Variants in TXK observed in about 807,000 individuals in gnomAD.
TXK encodes tyrosine-protein kinase TXK.
In TXK, 60 loss-of-function variants were observed where a neutral mutation model predicts 81.0. The ratio of observed to expected loss-of-function variants is 0.74; its 90% CI spans 0.60 to 0.92. TXK has a LOEUF of 0.92. TXK is among the 40% of genes least tolerant of loss of function. The pLI is 0.00. For missense variants in TXK, 581 were observed against 638.3 expected, an observed-to-expected ratio of 0.91 and a Z score of 0.97; for synonymous variants, 203 against 210.7, an observed-to-expected ratio of 0.96 and a Z score of 0.32.
At chr4:48,129,927 C>T (rs1420772738) in intron 1 of TXK, among the ~76,000 whole-genome samples, 16 of 152,184 alleles carry the variant, frequency 1.1e-4, no homozygotes, top group African/African-American at 2.9e-4. Context: ...GGCACACGGG[C>T]GTGGCTGGCA....
intron 2 of TXK, among the ~76,000 whole-genome samples, chr4:48,113,852 G>A (rs117040855): frequency 1.3e-5 from 2 of 152,224 alleles, no homozygotes; most frequent in East Asian, 1.9e-4. Flanking sequence ...AACTGTATGA[G>A]TTAATAAACA....
chr4:48,089,281 T>C (rs1717657170), intron 9 of TXK: 1 of 152,710 alleles, frequency 6.5e-6, no homozygotes, highest in African/African-American at 2.4e-5. Flanking sequence ...GAGATGCACA[T>C]ATTTAAACAT....
Position 48,110,552 on chromosome 4 carries a change from ATTAG to A in TXK, c.428_431del (p.Thr143IlefsTer2). On this transcript the variant is annotated frameshift_variant, in exon 5 of 15. Transcript: ENST00000264316. LOFTEE classifies it high-confidence loss of function. ...AGAAGACTTACTCATATATTTCTAA[ATTAG>A]TTATTTTGTTTTCAGTCACATAGTT... The A allele has an allele frequency of 6.2e-7, 1 of 1,610,252 alleles. No individual in the cohort carries two copies. The highest frequency in any genetic ancestry group is 8.5e-7 in the Non-Finnish European group (1 of 1,177,108).
At chr4:48,073,611 G>A (rs1716949517) in intron 13 of TXK, among the ~76,000 whole-genome samples, 1 of 152,178 alleles carries the variant, frequency 6.6e-6, no homozygotes, top group Admixed American at 6.5e-5. Flanking sequence ...TCTAAACAAT[G>A]TCATAAGATC....
chr4:48,090,065 A>G (rs1241908176), intron 8 of TXK, among the ~76,000 whole-genome samples: 2 of 152,224 alleles, frequency 1.3e-5, no homozygotes, highest in African/African-American at 2.4e-5. Flanking sequence ...ACAAAATCTT[A>G]GTATTCACAG....
intron 6 of TXK, among the ~76,000 whole-genome samples, chr4:48,097,956 C>A (rs1171468900): frequency 6.6e-6 from 1 of 151,770 alleles, no homozygotes; most frequent in Non-Finnish European, 1.5e-5. Flanking sequence ...ACCGTGTTAG[C>A]CAGGATGGTC....
intron 1 of TXK, among the ~76,000 whole-genome samples, chr4:48,130,456 G>A (rs1719222213): frequency 6.6e-6 from 1 of 152,122 alleles, no homozygotes; most frequent in Non-Finnish European, 1.5e-5. Context: ...ATTCTCTGCG[G>A]GCTGCCTGAG....
At chr4:48,077,317 G>A (rs1717111264) in intron 11 of TXK, among the ~76,000 whole-genome samples, 1 of 152,078 alleles carries the variant, frequency 6.6e-6, no homozygotes, top group South Asian at 2.1e-4. Flanking sequence ...CAGCTAATTT[G>A]TGGTTCAATT....
At chr4:48,090,923 C>T (rs1168333807) in intron 8 of TXK, among the ~76,000 whole-genome samples, 1 of 152,360 alleles carries the variant, frequency 6.6e-6, no homozygotes, top group Admixed American at 6.5e-5. Flanking sequence ...TGCTGGAAGA[C>T]AGAAACGAGC....
At chr4:48,129,675 C>T (rs1046186291) in intron 1 of TXK, among the ~76,000 whole-genome samples, 18 of 152,284 alleles carry the variant, frequency 1.2e-4, no homozygotes, top group East Asian at 1.9e-4. Flanking sequence ...TCCCCAGACA[C>T]GGACAGCAGC....
intron 11 of TXK, among the ~76,000 whole-genome samples, chr4:48,079,037 G>T (rs1717187325): frequency 6.6e-6 from 1 of 152,200 alleles, no homozygotes; most frequent in Non-Finnish European, 1.5e-5. Flanking sequence ...GGCATATTTA[G>T]AGTAAAGCCT....
intron 1 of TXK, among the ~76,000 whole-genome samples, chr4:48,132,213 T>C (rs1035428975): frequency 1.3e-5 from 2 of 152,184 alleles, no homozygotes; most frequent in African/African-American, 4.8e-5. Flanking sequence ...TTTAATCTGA[T>C]ATGACTGAGC....
intron 5 of TXK, among the ~76,000 whole-genome samples, chr4:48,105,458 C>T (rs183563229): frequency 4.6e-4 from 70 of 152,164 alleles, no homozygotes; most frequent in Non-Finnish European, 7.9e-4. Flanking sequence ...TTCTCACTTA[C>T]AAGTGGGAGA....
At chr4:48,075,530 G>T (rs1717032368) in intron 12 of TXK, among the ~76,000 whole-genome samples, 1 of 152,074 alleles carries the variant, frequency 6.6e-6, no homozygotes. Context: ...TGTGCCTGTA[G>T]TTCCAGCTAC....
chr4:48,116,919 G>A (rs1454160374), intron 1 of TXK, among the ~76,000 whole-genome samples: 5 of 152,130 alleles, frequency 3.3e-5, no homozygotes, highest in South Asian at 2.1e-4. Flanking sequence ...GTCTCACTGC[G>A]TCGGCCAGGC....
chr4:48,112,499 C>A lies in TXK; in HGVS notation c.188G>T (p.Arg63Leu), dbSNP rs1190391434. The change falls in exon 4 of 15, where the codon CGT becomes CTT. Residue 63 changes from arginine (R) to leucine (L), a missense_variant. Transcript: ENST00000264316. ...TGGCTTTCGTTTTGACGGCTGCACA[C>A]GGCCCGTGTTGGACTGTGAAAACCA... ...LSNKKQSNTG[R>L]VQPSKRKPLP... 1.2e-6 allele frequency: 2 copies of A among 1,613,672 alleles called. No individual in the cohort carries two copies. The highest frequency in any genetic ancestry group is 1.3e-5 in the African/African-American group (1 of 74,890).
intron 1 of TXK, among the ~76,000 whole-genome samples, chr4:48,133,197 C>A (rs1349640917): frequency 6.7e-6 from 1 of 149,390 alleles, no homozygotes; most frequent in Admixed American, 6.8e-5. Context: ...ATGACGGCTG[C>A]CTTCTTATTT....
chr4:48,088,427 C>T (rs187768473), intron 9 of TXK, among the ~76,000 whole-genome samples: 1 of 152,240 alleles, frequency 6.6e-6, no homozygotes, highest in African/African-American at 2.4e-5. Context: ...CCCGAATGGC[C>T]ATCTACAAGA....
chr4:48,073,924 G>T lies in TXK; in HGVS notation c.1357+11C>A. 2.0e-6 allele frequency: 3 copies of T among 1,532,154 alleles called. No individual in the cohort carries two copies. Among genetic ancestry groups the T allele is most frequent in the South Asian group, 1.2e-5 (1 of 86,820 alleles). 94.9% of individuals were successfully genotyped at this position (1,532,154 alleles called of 1,614,324 possible). A position where few individuals can be genotyped will look rare whatever the true frequency, so the allele number is the denominator to read the frequency against. Reference sequence around the variant, plus strand: ...ATCAAGCTCCAGCAAGTGAACATCAGATGCACTCACCAAATGACCAGACAT... The same window carrying T: ...ATCAAGCTCCAGCAAGTGAACATCATATGCACTCACCAAATGACCAGACAT... On this transcript the variant is annotated intron_variant, in intron 13 of 14. Coordinates refer to ENST00000264316, the MANE Select transcript of TXK (RefSeq NM_003328.3).
Sources: gnomAD v4.1 joint callset for allele counts (sites outside exome capture counted in the v4.1 genomes callset) on GRCh38, gnomAD v4.1.1 for gene constraint, MANE v1.5 for transcripts, NCBI Gene and HGNC (gene_info 2026-07-23, HGNC 2026-07-21) for gene names.